The following WDR37 variants were observed in gnomAD, a reference collection of about 807,000 sequenced individuals.
The protein encoded by WDR37 is WD repeat-containing protein 37.
WDR37 carries 19 observed loss-of-function variants against 62.9 expected under a neutral mutation model. That is an observed-to-expected ratio of 0.30 (90% confidence interval 0.21 to 0.44). WDR37 has a LOEUF of 0.44. WDR37 is among the 20% of genes least tolerant of loss of function. The probability of loss-of-function intolerance (pLI) is 1.00; values close to 1 mark genes in which losing one functional copy is unlikely to be tolerated. For synonymous variants in WDR37, 250 were observed against 260.9 expected (o/e 0.96, Z 0.40); for missense variants, 474 against 657.6 (o/e 0.72, Z 3.05).
intron 2 of WDR37, chr10:1,074,603 G>T: frequency 4.5e-6 from 5 of 1,116,792 alleles, no homozygotes; most frequent in Non-Finnish European, 6.0e-6. Flanking sequence ...CCCTGCCGTG[G>T]GCGGGAGAGA....
intron 11 of WDR37, among the ~76,000 whole-genome samples, chr10:1,122,735 T>G (rs982089847): frequency 6.6e-6 from 1 of 152,254 alleles, no homozygotes; most frequent in Non-Finnish European, 1.5e-5. Context: ...CTAAATACCT[T>G]CTGGCAAGTG....
chr10:1,084,992 C>T (rs901685222), intron 6 of WDR37, among the ~76,000 whole-genome samples: 14 of 152,372 alleles, frequency 9.2e-5, no homozygotes, highest in Middle Eastern at 3.4e-3. Context: ...GACGGAGTCT[C>T]GCTCTGTTGC....
chr10:1,058,854 G>T (rs1192659015), intron 1 of WDR37, among the ~76,000 whole-genome samples: 1 of 152,180 alleles, frequency 6.6e-6, no homozygotes, highest in Non-Finnish European at 1.5e-5. Flanking sequence ...ACTTCTGGTG[G>T]AAATTCCATC....
intron 13 of WDR37, among the ~76,000 whole-genome samples, chr10:1,126,274 C>A (rs536992897): frequency 6.6e-6 from 1 of 151,864 alleles, no homozygotes; most frequent in Non-Finnish European, 1.5e-5. Flanking sequence ...GGCGTGGTGG[C>A]GGGCGTCTGT....
At chr10:1,117,643 A>G (rs911840074) in intron 11 of WDR37, among the ~76,000 whole-genome samples, 9 of 152,120 alleles carry the variant, frequency 5.9e-5, no homozygotes, top group South Asian at 2.1e-4. Context: ...TTCAGGACAG[A>G]CTCCGGAGAC....
rs766704048 is a variant in WDR37, at chr10:1,093,440, T to A, written c.605-12T>A. ...ACTTTAAACCTGTTTTTATCATATT[T>A]TTATTTTGCAGTAAATTCTATCAAA... On this transcript the variant is annotated splice_polypyrimidine_tract_variant and intron_variant, in intron 7 of 13. Transcript: ENST00000263150. The A allele has an allele frequency of 3.1e-6, 5 of 1,604,726 alleles. No homozygotes were observed. The Admixed American group carries it at 6.8e-5, about 22-fold the overall frequency.
intron 1 of WDR37, among the ~76,000 whole-genome samples, chr10:1,063,180 G>A (rs1478852938): frequency 6.6e-6 from 1 of 152,052 alleles, no homozygotes; most frequent in Non-Finnish European, 1.5e-5. Context: ...AGTTCTGTGA[G>A]TTTTCTTTTT....
At chr10:1,085,894 C>T (rs1834185346) in intron 6 of WDR37, among the ~76,000 whole-genome samples, 1 of 152,182 alleles carries the variant, frequency 6.6e-6, no homozygotes, top group Admixed American at 6.5e-5. Context: ...CTTATCTCAA[C>T]AGTTGTAACT....
intron 1 of WDR37, among the ~76,000 whole-genome samples, chr10:1,063,076 ACT>A (rs1406050162): frequency 2.0e-5 from 3 of 148,276 alleles, no homozygotes; most frequent in East Asian, 2.0e-4. Context: ...ACAGAGCGAC[ACT>A]CTGTTAAAAA....
chr10:1,097,498 G>A (rs1324240918), intron 9 of WDR37, among the ~76,000 whole-genome samples: 4 of 152,236 alleles, frequency 2.6e-5, no homozygotes, highest in Admixed American at 2.6e-4. Flanking sequence ...ATGCCCCGAA[G>A]GTGATTCTGA....
At chr10:1,068,399 G>A (rs10444196) in intron 1 of WDR37, among the ~76,000 whole-genome samples, 86,038 of 143,860 alleles carry the variant, frequency 0.6, 25,794 homozygotes, top group Non-Finnish European at 0.67. Context: ...GGAGGTTGCA[G>A]TGAGCCGAGA....
At chr10:1,127,680 T>C (rs930585806) in intron 13 of WDR37, among the ~76,000 whole-genome samples, 2 of 151,756 alleles carry the variant, frequency 1.3e-5, no homozygotes, top group East Asian at 3.9e-4. Context: ...GCAGGCTCAT[T>C]GGGCGTGAGG....
At chr10:1,063,699 C>T (rs1034234414) in intron 1 of WDR37, among the ~76,000 whole-genome samples, 1 of 152,146 alleles carries the variant, frequency 6.6e-6, no homozygotes, top group African/African-American at 2.4e-5. Flanking sequence ...GAGGCCACCC[C>T]CCTGTGGTGT....
At chr10:1,108,951 G>A (rs967808903) in intron 11 of WDR37, among the ~76,000 whole-genome samples, 1 of 152,224 alleles carries the variant, frequency 6.6e-6, no homozygotes, top group African/African-American at 2.4e-5. Flanking sequence ...CTGATATGGG[G>A]GTTGCAGGGA....
chr10:1,057,368 C>T (rs1833223908), intron 1 of WDR37, among the ~76,000 whole-genome samples: 1 of 152,024 alleles, frequency 6.6e-6, no homozygotes, highest in Non-Finnish European at 1.5e-5. Flanking sequence ...TCCCCGCCCC[C>T]TTTGCTTCGG....
intron 9 of WDR37, among the ~76,000 whole-genome samples, chr10:1,100,057 C>T (rs1834740775): frequency 6.6e-6 from 1 of 152,222 alleles, no homozygotes; most frequent in Admixed American, 6.5e-5. Context: ...ATAAGAAAAA[C>T]ACTAATTTTG....
At chr10:1,098,882 A>G (rs1157103896) in intron 9 of WDR37, among the ~76,000 whole-genome samples, 1 of 152,170 alleles carries the variant, frequency 6.6e-6, no homozygotes, top group African/African-American at 2.4e-5. Flanking sequence ...CATCTGCTCC[A>G]TCCTTCCTTT....
intron 7 of WDR37, among the ~76,000 whole-genome samples, chr10:1,087,281 G>A (rs1310831738): frequency 6.6e-6 from 1 of 152,220 alleles, no homozygotes; most frequent in Non-Finnish European, 1.5e-5. Context: ...GACTGGCTGG[G>A]GTGCCACAGT....
At chr10:1,059,969 A>C (rs558692025) in intron 1 of WDR37, among the ~76,000 whole-genome samples, 1 of 152,008 alleles carries the variant, frequency 6.6e-6, no homozygotes, top group Non-Finnish European at 1.5e-5. Flanking sequence ...CTCAGCCTCC[A>C]GGGTAGATGG....
Sources: gnomAD v4.1 joint callset for allele counts (sites outside exome capture counted in the v4.1 genomes callset) on GRCh38, gnomAD v4.1.1 for gene constraint, MANE v1.5 for transcripts, NCBI Gene and HGNC (gene_info 2026-07-23, HGNC 2026-07-21) for gene names.